SLC35H1: variants seen among roughly 807,000 people sequenced by gnomAD.
SLC35H1 encodes ovarian cancer-overexpressed gene 1 protein.
At chr20:46,358,345 A>G in the SLC35H1 span, 3 of 1,565,692 alleles carry the variant, frequency 1.9e-6, no homozygotes, top group Non-Finnish European at 1.8e-6. Flanking sequence ...GGCTCTGGCC[A>G]CCTTCATCCC....
the SLC35H1 span, chr20:46,356,628 G>A: frequency 2.5e-6 from 4 of 1,613,760 alleles, no homozygotes; most frequent in East Asian, 6.7e-5. Flanking sequence ...GTCAAGCGCC[G>A]TCGCCAGAGC....
At chr20:46,360,555 T>G in the SLC35H1 span, among the ~76,000 whole-genome samples, 1 of 152,196 alleles carries the variant, frequency 6.6e-6, no homozygotes, top group Non-Finnish European at 1.5e-5. Context: ...TATTTTATTT[T>G]TTTTTTGAGA....
At chr20:46,356,692 G>A in the SLC35H1 span, 1 of 1,564,324 alleles carries the variant, frequency 6.4e-7, no homozygotes, top group Non-Finnish European at 8.7e-7. Context: ...CTCTGCTGGG[G>A]TGGGCTGGTA....
At chr20:46,360,518 T>C in the SLC35H1 span, among the ~76,000 whole-genome samples, 1 of 150,486 alleles carries the variant, frequency 6.6e-6, no homozygotes, top group Admixed American at 6.7e-5. Flanking sequence ...TTTCCTTTTA[T>C]GTTATAGGGC....
At chr20:46,353,970 C>T in the SLC35H1 span, among the ~76,000 whole-genome samples, 1 of 151,952 alleles carries the variant, frequency 6.6e-6, no homozygotes, top group African/African-American at 2.4e-5. Flanking sequence ...GGATGTGGGA[C>T]AGAATTTTCT....
the SLC35H1 span, chr20:46,346,634 C>A: frequency 1.3e-5 from 2 of 152,176 alleles, no homozygotes; most frequent in Non-Finnish European, 2.9e-5. Flanking sequence ...ACTAAAAATA[C>A]AAAAAATGCT....
the SLC35H1 span, chr20:46,358,868 C>A: frequency 2.7e-6 from 2 of 749,932 alleles, no homozygotes; most frequent in Non-Finnish European, 2.3e-6. Context: ...GGAGGGGCTG[C>A]CCACAACGGC....
the SLC35H1 span, among the ~76,000 whole-genome samples, chr20:46,361,680 C>T: frequency 1.3e-5 from 2 of 152,218 alleles, no homozygotes; most frequent in Non-Finnish European, 2.9e-5. Context: ...ATCCTTCCCC[C>T]CATCCCAAGT....
At chr20:46,360,226 T>C in the SLC35H1 span, among the ~76,000 whole-genome samples, 1 of 152,156 alleles carries the variant, frequency 6.6e-6, no homozygotes, top group African/African-American at 2.4e-5. Flanking sequence ...GAACTAACAC[T>C]TCCAAGAATA....
chr20:46,364,418 G>C, the SLC35H1 span: 1 of 152,270 alleles, frequency 6.6e-6, no homozygotes, highest in Non-Finnish European at 1.5e-5. Context: ...GGAAGTGCGA[G>C]GCCGGATGCC....
the SLC35H1 span, chr20:46,355,789 G>T: frequency 3.1e-6 from 5 of 1,613,986 alleles, no homozygotes; most frequent in Non-Finnish European, 2.5e-6. This position sits in a 1 kb window ranked among gnomAD's most constrained non-coding sequence, Gnocchi z 4.8. Flanking sequence ...CACAAGAGAC[G>T]CTGGGGCCTC....
the SLC35H1 span, chr20:46,358,279 G>A: frequency 4.7e-6 from 5 of 1,061,132 alleles, no homozygotes; most frequent in Non-Finnish European, 7.2e-6. Context: ...CTGGCTTCCA[G>A]TTAGACTGGT....
chr20:46,351,908 C>T, the SLC35H1 span: 33 of 851,160 alleles, frequency 3.9e-5, no homozygotes, highest in Non-Finnish European at 5.7e-5. Context: ...CAGCACTCAG[C>T]AAAGTGCCTG....
chr20:46,352,080 G>A, the SLC35H1 span: 70 of 1,614,108 alleles, frequency 4.3e-5, no homozygotes, highest in Non-Finnish European at 8.5e-7. Flanking sequence ...GAGAGAGTGA[G>A]GCTGGAGGTT....
At chr20:46,355,127 T>C in the SLC35H1 span, 3 of 1,614,128 alleles carry the variant, frequency 1.9e-6, no homozygotes, top group South Asian at 2.2e-5. This position sits in a 1 kb window ranked among gnomAD's most constrained non-coding sequence, Gnocchi z 4.8. Context: ...ATGCCACCGA[T>C]GAACGAGGCC....
chr20:46,347,159 C>T, the SLC35H1 span: 1 of 152,312 alleles, frequency 6.6e-6, no homozygotes, highest in Non-Finnish European at 1.5e-5. Context: ...GAAACAGGCT[C>T]GGAGAAGATC....
the SLC35H1 span, chr20:46,358,427 AAGC>A: frequency 2.5e-6 from 4 of 1,614,000 alleles, no homozygotes; most frequent in African/African-American, 5.3e-5. Flanking sequence ...GCCGATGGAG[AAGC>A]AGTAGTAGAG....
chr20:46,357,113 TA>T, the SLC35H1 span, among the ~76,000 whole-genome samples: 2 of 152,178 alleles, frequency 1.3e-5, no homozygotes, highest in African/African-American at 4.8e-5. Context: ...CAGCTGGCAC[TA>T]AATCTCCCTC....
At chr20:46,355,061 G>A in the SLC35H1 span, 120 of 1,613,986 alleles carry the variant, frequency 7.4e-5, no homozygotes, top group African/African-American at 1.5e-3. The surrounding 1 kb of genome is among the most constrained non-coding windows in gnomAD (Gnocchi z 4.8). Flanking sequence ...AGGATGAGTG[G>A]CACGTGCTCA....
Sources: allele counts gnomAD v4.1 joint callset (sites outside exome capture counted in the v4.1 genomes callset), GRCh38; gene constraint gnomAD v4.1.1; non-coding constraint Gnocchi (gnomAD v3.1); transcripts MANE v1.5; gene names NCBI Gene and HGNC (gene_info 2026-07-23, HGNC 2026-07-21).